The following GREM2 variants were observed in gnomAD, a reference collection of about 807,000 sequenced individuals.
The protein encoded by GREM2 is gremlin-2.
In GREM2, 11 loss-of-function variants were observed where a neutral mutation model predicts 14.2. That is an observed-to-expected ratio of 0.78 (90% CI 0.49 to 1.28). The LOEUF (loss-of-function observed/expected upper bound fraction) is 1.28, where lower values mean the gene tolerates loss of function less well. Among genes scored for constraint, GREM2 ranks in the 50% most tolerant of loss-of-function variants. The pLI, the probability that GREM2 is intolerant of heterozygous loss-of-function variation, is 0.00. For synonymous variants in GREM2, 98 were observed against 97.6 expected (o/e 1.00, Z -0.02); for missense variants, 210 against 218.5 (o/e 0.96, Z 0.24).
chr1:240,563,610 C>T (rs1022474470), intron 1 of GREM2, among the ~76,000 whole-genome samples: 7 of 152,124 alleles, frequency 4.6e-5, no homozygotes, highest in South Asian at 2.1e-4. Context: ...GAACCTTAGG[C>T]GGTCTCTATA....
chr1:240,538,060 T>C (rs1443649942), intron 1 of GREM2, among the ~76,000 whole-genome samples: 1 of 152,168 alleles, frequency 6.6e-6, no homozygotes, highest in Non-Finnish European at 1.5e-5. Context: ...TTTGAAACAA[T>C]AGAATTCAAA....
intron 1 of GREM2, among the ~76,000 whole-genome samples, chr1:240,511,172 C>A (rs2185285): frequency 6.6e-6 from 1 of 151,894 alleles, no homozygotes; most frequent in South Asian, 2.1e-4. Context: ...ATTAGTTTCT[C>A]ACTAACAGAT....
intron 1 of GREM2, among the ~76,000 whole-genome samples, chr1:240,602,703 T>C (rs1455107683): frequency 1.3e-5 from 2 of 150,392 alleles, no homozygotes; most frequent in East Asian, 3.9e-4. Flanking sequence ...TAATCCCAGG[T>C]ACTTGGGAGG....
chr1:240,569,804 C>A (rs12057404), intron 1 of GREM2, among the ~76,000 whole-genome samples: 1 of 152,072 alleles, frequency 6.6e-6, no homozygotes, highest in Non-Finnish European at 1.5e-5. Context: ...ATATATGACA[C>A]CCAAAGCACA....
rs74149154 is a variant in GREM2, at chr1:240,527,936, G to A, written c.-1-34460C>T. On this transcript the variant is annotated intron_variant, in intron 1 of 1. Transcript: ENST00000318160. ...GTGTCCTGGTTTTTTAACACCAGAG[G>A]AAAATGAAATTATAGAAAGAAAATA... Among the ~76,000 whole-genome samples, 465 of 152,200 alleles carry A rather than the reference G, an allele frequency of 3.1e-3. 3 individuals carry two copies. Among genetic ancestry groups the A allele is most frequent in the African/African-American group, 0.011 (446 of 41,528 alleles).
chr1:240,571,070 T>C (rs1004217565), intron 1 of GREM2, among the ~76,000 whole-genome samples: 4 of 152,216 alleles, frequency 2.6e-5, no homozygotes, highest in African/African-American at 9.7e-5. Flanking sequence ...AACTAGTATG[T>C]CTATAACATA....
At chr1:240,563,213 GTGTT>G (rs1048862943) in intron 1 of GREM2, among the ~76,000 whole-genome samples, 32 of 151,726 alleles carry the variant, frequency 2.1e-4, no homozygotes, top group Admixed American at 1.8e-3. Flanking sequence ...AAGTGAGTGT[GTGTT>G]TGAGTGTGCG....
At chr1:240,494,736 CT>C (rs1292208805) in intron 1 of GREM2, among the ~76,000 whole-genome samples, 4 of 151,996 alleles carry the variant, frequency 2.6e-5, no homozygotes, top group African/African-American at 9.7e-5. Flanking sequence ...CCTGTCTCTA[CT>C]AAAAATACAA....
intron 1 of GREM2, among the ~76,000 whole-genome samples, chr1:240,569,576 G>T (rs1185281628): frequency 6.6e-6 from 1 of 152,158 alleles, no homozygotes; most frequent in African/African-American, 2.4e-5. Flanking sequence ...TGACAAAGAT[G>T]TAAAGGCAAT....
chr1:240,551,553 G>A (rs1474116791), intron 1 of GREM2, among the ~76,000 whole-genome samples: 1 of 151,896 alleles, frequency 6.6e-6, no homozygotes, highest in Non-Finnish European at 1.5e-5. Flanking sequence ...TTCACATGTT[G>A]GCCAGGCTGG....
chr1:240,590,625 C>T (rs777286701), intron 1 of GREM2: 4 of 151,674 alleles, frequency 2.6e-5, no homozygotes, highest in Non-Finnish European at 5.9e-5. Flanking sequence ...GACAGAGTTT[C>T]ACCATGTTGG....
chr1:240,593,066 C>A (rs1208008891), intron 1 of GREM2, among the ~76,000 whole-genome samples: 1 of 151,920 alleles, frequency 6.6e-6, no homozygotes, highest in Non-Finnish European at 1.5e-5. Flanking sequence ...ATTGCTCAAA[C>A]CCAGGAGGCA....
At position 240,598,856 on chromosome 1, in the gene GREM2, C is replaced by T. The variant is rs114609125; in HGVS notation, c.-2+13028G>A. Among the ~76,000 whole-genome samples, 1,086 of 152,248 alleles carry T rather than the reference C, an allele frequency of 7.1e-3. 7 individuals carry two copies. Among genetic ancestry groups the T allele is most frequent in the African/African-American group, 0.025 (1,043 of 41,538 alleles). On this transcript the variant is annotated intron_variant, in intron 1 of 1. Transcript: ENST00000318160. ...AATACTTGCCCCATAGTGCATAGTC[C>T]ATCTGGCTACTGACTTTCATAGTGC...
chr1:240,507,021 G>C (rs1677688548), intron 1 of GREM2, among the ~76,000 whole-genome samples: 1 of 152,220 alleles, frequency 6.6e-6, no homozygotes, highest in Non-Finnish European at 1.5e-5. Flanking sequence ...TGGGGCTGGA[G>C]CCGGGGCTGG....
rs544211486 is a variant in GREM2 at position 240,611,045 on chromosome 1, A to AT, written c.-2+838dup. 2.7e-5 allele frequency among the ~76,000 whole-genome samples: 4 copies of AT among 148,320 alleles called. No homozygotes were observed. The South Asian group carries it at 6.6e-4, about 24-fold the overall frequency. ...AACATGATAAAATCTCAGGAAATAG[A>AT]TTTTTTTAACAAAACCCACACCTCA... is the stretch of plus-strand genomic sequence containing the variant. On this transcript the variant is annotated intron_variant, in intron 1 of 1. Coordinates refer to ENST00000318160, the MANE Select transcript of GREM2 (RefSeq NM_022469.4).
intron 1 of GREM2, among the ~76,000 whole-genome samples, chr1:240,502,126 G>A (rs563271097): frequency 4.6e-5 from 7 of 152,104 alleles, no homozygotes; most frequent in South Asian, 2.1e-4. Context: ...CACTTCCCTC[G>A]GAGCAGAGTA....
Position 240,562,879 on chromosome 1 carries a change from TGTGTGTATGA to T in GREM2, c.-2+48995_-2+49004del, listed in dbSNP as rs200533625. On this transcript the variant is annotated intron_variant, in intron 1 of 1. Transcript: ENST00000318160. Reference sequence around the variant, plus strand: ...GTGTATGTGTATATGTGAGTGTGTATGTGTGTATGAGTGTGTATGTGTGTATGTATGTCTG... The same window carrying T: ...GTGTATGTGTATATGTGAGTGTGTATGTGTGTATGTGTGTATGTATGTCTG... Among the ~76,000 whole-genome samples, 26 of 151,274 alleles carry T rather than the reference TGTGTGTATGA, an allele frequency of 1.7e-4. No homozygotes were observed. In the East Asian group the frequency reaches 3.3e-3, roughly 19 times the overall value.
intron 1 of GREM2, among the ~76,000 whole-genome samples, chr1:240,513,715 A>G (rs533109614): frequency 1.3e-5 from 2 of 152,274 alleles, no homozygotes; most frequent in South Asian, 4.1e-4. Context: ...GACCGTGATA[A>G]ATGTTTGGAT....
chr1:240,492,131 C>A lies in GREM2; in HGVS notation c.*838G>T. 2.8e-6 allele frequency: 1 copy of A among 358,240 alleles called. No homozygotes were observed. The highest frequency in any genetic ancestry group is 5.9e-6 in the Non-Finnish European group (1 of 169,548). The allele number at this position is 358,240 out of a possible 1,614,324, so 22.2% of individuals were successfully genotyped here. On this transcript the variant is annotated 3_prime_UTR_variant, in exon 2 of 2. Coordinates refer to ENST00000318160, the MANE Select transcript of GREM2 (RefSeq NM_022469.4). ...TGAATAGGTCTATAATACTTTTTAA[C>A]AGCTCTTTACAATATACGGTCACTT... is the stretch of plus-strand genomic sequence containing the variant.
Sources: allele counts gnomAD v4.1 joint callset (sites outside exome capture counted in the v4.1 genomes callset), GRCh38; gene constraint gnomAD v4.1.1; transcripts MANE v1.5; gene names NCBI Gene and HGNC (gene_info 2026-07-23, HGNC 2026-07-21).